Variants in ADCY10 observed in about 807,000 individuals in gnomAD.
ADCY10 encodes adenylate cyclase 10.
Under a neutral mutation model 183.3 loss-of-function variants are expected in ADCY10, and 156 were observed. The observed-to-expected ratio is 0.85, with a 90% CI of 0.75 to 0.97. The LOEUF (loss-of-function observed/expected upper bound fraction) is 0.97, where lower values mean the gene tolerates loss of function less well. Ranked by LOEUF, ADCY10 falls within the 50% of genes least tolerant of loss-of-function variation. The pLI is 0.00. For synonymous variants in ADCY10, 645 were observed against 670.0 expected (o/e 0.96, Z 0.58); for missense variants, 1,745 against 1,934.3 (o/e 0.90, Z 1.84).
chr1:167,821,824 A>T (rs1395017471), intron 30 of ADCY10, among the ~76,000 whole-genome samples, 200 bp downstream of exon 30: 8 of 152,170 alleles, frequency 5.3e-5, no homozygotes, highest in African/African-American at 1.9e-4. Context: ...TGTAATTGAG[A>T]TAAATTTACT....
chr1:167,825,191 G>T (rs1236716293), intron 26 of ADCY10, among the ~76,000 whole-genome samples: 1 of 152,208 alleles, frequency 6.6e-6, no homozygotes, highest in African/African-American at 2.4e-5. Context: ...AGTGTAAACA[G>T]TAGTTATATA....
At chr1:167,855,620 GC>G (rs1016541153) in intron 17 of ADCY10, among the ~76,000 whole-genome samples, 1 of 152,178 alleles carries the variant, frequency 6.6e-6, no homozygotes, top group Non-Finnish European at 1.5e-5. Flanking sequence ...GGGAAATAGA[GC>G]TTTTCACTAA....
chr1:167,820,521 G>A (rs1662839682), intron 30 of ADCY10: 2 of 369,430 alleles, frequency 5.4e-6, no homozygotes. Context: ...AAATTTGGAT[G>A]ATTTCTGGAC....
chr1:167,903,500 G>A (rs774242020), intron 3 of ADCY10, among the ~76,000 whole-genome samples: 31 of 151,830 alleles, frequency 2.0e-4, no homozygotes, highest in Non-Finnish European at 4.1e-4. Flanking sequence ...GGAGGCGAAG[G>A]TTGCAGTGAG....
intron 21 of ADCY10, among the ~76,000 whole-genome samples, chr1:167,841,411 G>A (rs1664627219): frequency 6.6e-6 from 1 of 151,134 alleles, no homozygotes; most frequent in Non-Finnish European, 1.5e-5. Context: ...TTGCTTTGCA[G>A]TGAAGTCACC....
At chr1:167,809,958 C>G (rs16859702) in intron 32 of ADCY10, 119 bp from the exon 33 acceptor site, 4 of 1,020,190 alleles carry the variant, frequency 3.9e-6, no homozygotes, top group Non-Finnish European at 6.0e-6. Context: ...AACCCATAGA[C>G]AAAAACGAAT....
intron 22 of ADCY10, 138 bp from the exon 23 acceptor site, chr1:167,836,678 T>A (rs1163702570): frequency 4.5e-6 from 3 of 666,864 alleles, no homozygotes; most frequent in East Asian, 5.4e-5. Context: ...TCATCTGAGA[T>A]CAGGAGTTCA....
intron 15 of ADCY10, 120 bp from the exon 16 acceptor site, chr1:167,860,013 A>G: frequency 1.2e-6 from 1 of 814,820 alleles, no homozygotes; most frequent in Non-Finnish European, 2.1e-6. Flanking sequence ...GTGTTAGATA[A>G]GTGGTCCCAA....
intron 13 of ADCY10, among the ~76,000 whole-genome samples, chr1:167,872,093 G>A (rs904777108): frequency 1.8e-4 from 28 of 152,156 alleles, no homozygotes; most frequent in Non-Finnish European, 3.2e-4. Context: ...TGTAATCCCA[G>A]CACTTTGGGA....
chr1:167,863,063 T>A (rs922976297), intron 14 of ADCY10, among the ~76,000 whole-genome samples: 12 of 152,224 alleles, frequency 7.9e-5, no homozygotes, highest in Admixed American at 7.9e-4. Context: ...GTCTTAGGAC[T>A]AAATGGTTTG....
intron 31 of ADCY10, among the ~76,000 whole-genome samples, chr1:167,816,481 G>T (rs927818456): frequency 6.6e-6 from 1 of 152,144 alleles, no homozygotes; most frequent in Non-Finnish European, 1.5e-5. Flanking sequence ...AGGAGGTGGA[G>T]GTTGCAGTGA....
Position 167,896,682 on chromosome 1 carries a change from A to C in ADCY10, c.652T>G (p.Leu218Val). The C allele has an allele frequency of 1.2e-6, 2 of 1,607,598 alleles. No individual in the cohort carries two copies. Among genetic ancestry groups the C allele is most frequent in the Non-Finnish European group, 1.7e-6 (2 of 1,174,154 alleles). The change falls in exon 7 of 33, where the codon TTA becomes GTA. Residue 218 changes from leucine to valine, a missense_variant. Physicochemically the swap from Leu to Val is conservative, Grantham distance 32. Transcript: ENST00000367851. ...PDQRAVKVNF[L>V]KPPPNFNFDE... ...AAATTAAAATTGGGGGGTGGTTTTA[A>C]GAAGTTAACCTAAATAAAAGCAAAT...
At chr1:167,892,229 C>T (rs538430910) in intron 8 of ADCY10, among the ~76,000 whole-genome samples, 2 of 152,268 alleles carry the variant, frequency 1.3e-5, no homozygotes, top group South Asian at 2.1e-4. Context: ...GTCTGGGCTT[C>T]CCAAAGTGCT....
chr1:167,881,000 G>A (rs1571388636), intron 9 of ADCY10, among the ~76,000 whole-genome samples: 2 of 152,200 alleles, frequency 1.3e-5, no homozygotes, highest in East Asian at 3.8e-4. Flanking sequence ...CACTTCTCAA[G>A]TGTGGAAACT....
intron 14 of ADCY10, among the ~76,000 whole-genome samples, chr1:167,863,520 C>T (rs1175335327): frequency 6.6e-6 from 1 of 152,138 alleles, no homozygotes; most frequent in Non-Finnish European, 1.5e-5. Context: ...TAAAGCCACT[C>T]CCTTCACTAT....
intron 15 of ADCY10, among the ~76,000 whole-genome samples, chr1:167,860,245 G>A (rs915866823): frequency 1.2e-4 from 18 of 152,176 alleles, no homozygotes; most frequent in African/African-American, 3.6e-4. Flanking sequence ...GGTCCCATCT[G>A]AGGGTGATGG....
chr1:167,882,251 G>A lies in ADCY10; in HGVS notation c.1020+1186C>T, dbSNP rs141577036. On this transcript the variant is annotated intron_variant, in intron 9 of 32. Coordinates refer to ENST00000367851, the MANE Select transcript of ADCY10 (RefSeq NM_018417.6). Reference sequence around the variant, plus strand: ...TGTAATCCCAGCACTTTGGGAGGCCGAGGCAGGTGGATCACTTGAGGTCAG... The same window carrying A: ...TGTAATCCCAGCACTTTGGGAGGCCAAGGCAGGTGGATCACTTGAGGTCAG... Among the ~76,000 whole-genome samples the A allele has an allele frequency of 1.2e-4, 18 of 152,244 alleles. No homozygotes were observed. In the East Asian group the frequency reaches 2.3e-3, roughly 20 times the overall value.
Position 167,878,553 on chromosome 1 carries a change from A to G in ADCY10, c.1299T>C (p.Asn433=), listed in dbSNP as rs747274781. ...AAAAGTACGCTGGTAGGTTGCTCCC[A>G]TTGTAGGTGACAGAGTCGCAGGTCA... ...GIVTCDSVTY[N]GSNLPAYFFK... is the part of the protein sequence containing the mutation. Residue 433 remains asparagine (N), a synonymous_variant, in exon 12 of 33, where the codon AAT becomes AAC. Coordinates refer to ENST00000367851, the MANE Select transcript of ADCY10 (RefSeq NM_018417.6). The G allele has an allele frequency of 1.2e-6, 2 of 1,614,168 alleles. No homozygotes were observed. The highest frequency in any genetic ancestry group is 2.2e-5 in the East Asian group (1 of 44,882).
intron 13 of ADCY10, among the ~76,000 whole-genome samples, 154 bp downstream of exon 13, chr1:167,874,977 G>T (rs1309737202): frequency 6.6e-6 from 1 of 152,054 alleles, no homozygotes; most frequent in Non-Finnish European, 1.5e-5. Context: ...GAGTAATCCT[G>T]GTGTATTGCT....
Sources: gnomAD v4.1 joint callset for allele counts (sites outside exome capture counted in the v4.1 genomes callset) on GRCh38, gnomAD v4.1.1 for gene constraint, MANE v1.5 for transcripts, NCBI Gene and HGNC (gene_info 2026-07-23, HGNC 2026-07-21) for gene names.